The following REV3L variants were observed in gnomAD, a reference collection of about 807,000 sequenced individuals.
REV3L encodes DNA polymerase zeta catalytic subunit.
REV3L carries 69 observed loss-of-function variants against 299.4 expected under a neutral mutation model. That is an observed-to-expected ratio of 0.23 (90% confidence interval 0.19 to 0.28). REV3L has a LOEUF of 0.28. Among genes scored for constraint, REV3L ranks in the 10% least tolerant of loss-of-function variants. REV3L has a pLI of 1.00. For missense variants in REV3L, 3,128 were observed against 3,693.8 expected, an observed-to-expected ratio of 0.85 and a Z score of 3.97; for synonymous variants, 1,238 against 1,271.4, an observed-to-expected ratio of 0.97 and a Z score of 0.56.
At position 111,329,520 on chromosome 6, in the gene REV3L, T is replaced by C; in HGVS notation, c.8241+12A>G. On this transcript the variant is annotated intron_variant, in intron 25 of 31. Coordinates refer to ENST00000368802, the MANE Select transcript of REV3L (RefSeq NM_001372078.1). ...GTCTCTTTTGAAAAAACTACAGATT[T>C]GTATCACTTACCTCAATGCATGGCA... 6.2e-7 allele frequency: 1 copy of C among 1,612,990 alleles called. No individual in the cohort carries two copies. Among genetic ancestry groups the C allele is most frequent in the Non-Finnish European group, 8.5e-7 (1 of 1,179,040 alleles).
chr6:111,376,593 G>C lies in REV3L; in HGVS notation c.1762C>G (p.His588Asp), dbSNP rs774124452. The C allele has an allele frequency of 6.2e-7, 1 of 1,613,086 alleles. No homozygotes were observed. The highest frequency in any genetic ancestry group is 1.3e-5 in the African/African-American group (1 of 74,898). Residue 588 changes from histidine (H) to aspartate (D), a missense_variant, in exon 13 of 32, where the codon CAT becomes GAT. Around this residue, in one of 9 missense-constraint regions of REV3L, gnomAD observed 2,409 missense variants for 2,611.8 expected, o/e 0.92. Transcript: ENST00000368802. ...ATTAAATCTTCCTTGTTCAAAACATGGGAAGAAAGGGCACTTGTGTGTTTA... is the reference window on the plus strand; with the variant it reads ...ATTAAATCTTCCTTGTTCAAAACATCGGAAGAAAGGGCACTTGTGTGTTTA... ...QCKHTSALSSHVLNKEDLIED... is the reference protein window; with the variant it reads ...QCKHTSALSSDVLNKEDLIED...
intron 1 of REV3L, among the ~76,000 whole-genome samples, chr6:111,425,650 C>CATATAT (rs144467470): frequency 9.5e-5 from 14 of 147,846 alleles, no homozygotes; most frequent in African/African-American, 2.7e-4. Flanking sequence ...AATATGGCAC[C>CATATAT]ATATATATAT....
chr6:111,309,606 G>T (rs1582446646), intron 30 of REV3L: 3 of 341,510 alleles, frequency 8.8e-6, no homozygotes, highest in East Asian at 9.9e-5. Context: ...CTTGGAAAAT[G>T]GTAACATTTG....
At chr6:111,437,037 A>C (rs1162106624) in intron 1 of REV3L, among the ~76,000 whole-genome samples, 1 of 152,204 alleles carries the variant, frequency 6.6e-6, no homozygotes, top group Non-Finnish European at 1.5e-5. Context: ...CATCAGCAAA[A>C]TGCAAATCGG....
Position 111,367,122 on chromosome 6 carries a change from T to G in REV3L, c.6666A>C (p.Leu2222Phe). Residue 2222 changes from leucine (L) to phenylalanine (F), a missense_variant, in exon 14 of 32, where the codon TTA becomes TTC. Transcript: ENST00000368802. ...TGTTATTTGTACACTTACCTGTTGA[T>G]AATGGGCTAAGGCCAGGTGCTTCAG... ...RLPEAPGLSP[L>F]STEPKTQKLS... 1 of 1,575,484 alleles carries G rather than the reference T, an allele frequency of 6.3e-7. No individual in the cohort carries two copies. Among genetic ancestry groups the G allele is most frequent in the Non-Finnish European group, 8.6e-7 (1 of 1,165,602 alleles).
rs147209393 is a variant in REV3L, at chr6:111,300,046, T to C, written c.9363A>G (p.Pro3121=). 2.0e-5 allele frequency: 32 copies of C among 1,613,374 alleles called. No individual in the cohort carries two copies. The highest frequency in any genetic ancestry group is 1.6e-4 in the Middle Eastern group (1 of 6,078). Residue 3121 remains proline, a synonymous_variant, in exon 32 of 32, where the codon CCA becomes CCG. Transcript: ENST00000368802. Reference sequence around the variant, plus strand: ...ACTGGTCTAATAACTGCCGGAGATATGGTGCCTTGGACAATTCTCTATTTA... The same window carrying C: ...ACTGGTCTAATAACTGCCGGAGATACGGTGCCTTGGACAATTCTCTATTTA... ...SRVNRELSKA[P]YLRQLLDQF
At position 111,473,440 on chromosome 6, in the gene REV3L, C is replaced by T. The variant is rs1415083850; in HGVS notation, c.139+9310G>A. Among the ~76,000 whole-genome samples, 11 of 152,056 alleles carry T rather than the reference C, an allele frequency of 7.2e-5. No homozygotes were observed. The East Asian group carries it at 2.1e-3, about 29-fold the overall frequency. On this transcript the variant is annotated intron_variant, in intron 1 of 31. Coordinates refer to ENST00000368802, the MANE Select transcript of REV3L (RefSeq NM_001372078.1). ...AGTACCAGAGGAACTTGAAAGGTCT[C>T]ATATATTCCCTCCTCCCTTTTTTGG...
At chr6:111,366,220 C>A (rs530826415) in intron 14 of REV3L, among the ~76,000 whole-genome samples, 4 of 151,950 alleles carry the variant, frequency 2.6e-5, no homozygotes, top group African/African-American at 4.8e-5. Context: ...TGAATGTATG[C>A]GGTGAGATCA....
rs776136178 is a variant in REV3L, at chr6:111,367,705, G to A, written c.6083C>T (p.Thr2028Ile). The A allele has an allele frequency of 6.2e-7, 1 of 1,614,208 alleles. No homozygotes were observed. Among genetic ancestry groups the A allele is most frequent in the Non-Finnish European group, 8.5e-7 (1 of 1,180,036 alleles). The stretch of plus-strand genomic sequence containing the variant: ...GTTCTCAGCAGATTTTACAACTCCA[G>A]TTGGCTTGGTTTTAGGCAGTTTCTT... The part of the protein sequence containing the change: ...RSKKLPKTKP[T>I]GVVKSAENFS... Residue 2028 changes from threonine to isoleucine, a missense_variant, in exon 14 of 32, where the codon ACT becomes ATT. Coordinates refer to ENST00000368802, the MANE Select transcript of REV3L (RefSeq NM_001372078.1).
intron 21 of REV3L, among the ~76,000 whole-genome samples, chr6:111,337,051 G>C (rs753988149): frequency 2.6e-5 from 4 of 151,432 alleles, no homozygotes; most frequent in Non-Finnish European, 5.9e-5. Flanking sequence ...ATCAGCGGTT[G>C]TCTAAGGCAA....
chr6:111,342,720 C>T (rs964468508), intron 21 of REV3L, among the ~76,000 whole-genome samples: 9 of 150,598 alleles, frequency 6.0e-5, no homozygotes, highest in Non-Finnish European at 1.2e-4. Context: ...GACAGGAGAA[C>T]TGAGAAACTC....
chr6:111,478,629 C>CAAA (rs35796020), intron 1 of REV3L, among the ~76,000 whole-genome samples: 1 of 128,436 alleles, frequency 7.8e-6, no homozygotes, highest in African/African-American at 2.7e-5. Flanking sequence ...TCCAATTTAC[C>CAAA]AAAAAAAAAA....
rs1364586914 is a variant in REV3L, at chr6:111,376,534, T to C, written c.1821A>G (p.Glu607=). Residue 607 remains glutamate, a synonymous_variant, in exon 13 of 32, where the codon GAA becomes GAG. Coordinates refer to ENST00000368802, the MANE Select transcript of REV3L (RefSeq NM_001372078.1). ...AAGTGACTGAGTTATCTAGACCTTT[T>C]TCTGTATTTTTGTTTGTCTGTGAAA... ...EDLSQTNKNT[E]KGLDNSVTSF... 4 of 1,612,082 alleles carry C rather than the reference T, an allele frequency of 2.5e-6. No individual in the cohort carries two copies. The highest frequency in any genetic ancestry group is 2.5e-6 in the Non-Finnish European group (3 of 1,179,572).
intron 25 of REV3L, among the ~76,000 whole-genome samples, chr6:111,325,141 G>A (rs913156829): frequency 6.6e-6 from 1 of 152,170 alleles, no homozygotes; most frequent in Non-Finnish European, 1.5e-5. Flanking sequence ...GATTACAGGC[G>A]TGAGCCACTG....
intron 21 of REV3L, among the ~76,000 whole-genome samples, chr6:111,342,197 C>T (rs1446764415): frequency 6.6e-6 from 1 of 152,104 alleles, no homozygotes; most frequent in Non-Finnish European, 1.5e-5. Flanking sequence ...AAGAAAACTT[C>T]CTGTCATAGA....
chr6:111,363,649 T>C (rs1160752352), intron 16 of REV3L, among the ~76,000 whole-genome samples: 1 of 152,144 alleles, frequency 6.6e-6, no homozygotes, highest in East Asian at 1.9e-4. Flanking sequence ...CACAAAGCAG[T>C]CTCAGCAACT....
chr6:111,366,571 G>A (rs1779232657), intron 14 of REV3L, among the ~76,000 whole-genome samples: 1 of 152,118 alleles, frequency 6.6e-6, no homozygotes, highest in Admixed American at 6.6e-5. Context: ...GCTGCTTAGA[G>A]GACATATGAT....
intron 13 of REV3L, among the ~76,000 whole-genome samples, chr6:111,370,985 C>G (rs1779747093): frequency 6.6e-6 from 1 of 150,948 alleles, no homozygotes; most frequent in African/African-American, 2.4e-5. Context: ...TTTTTTCCCA[C>G]TGGAGTCAGG....
At chr6:111,304,307 A>C (rs1772013747) in intron 31 of REV3L, among the ~76,000 whole-genome samples, 1 of 149,326 alleles carries the variant, frequency 6.7e-6, no homozygotes, top group African/African-American at 2.5e-5. Flanking sequence ...TAAGAAGTAC[A>C]TTTTTTGGTA....
Sources: gnomAD v4.1 joint callset for allele counts (sites outside exome capture counted in the v4.1 genomes callset) on GRCh38, gnomAD v4.1.1 for gene constraint, gnomAD v4.1.1 regional missense constraint, MANE v1.5 for transcripts, NCBI Gene and HGNC (gene_info 2026-07-23, HGNC 2026-07-21) for gene names.